Variants in AGBL1 observed in about 807,000 individuals in gnomAD.
AGBL1 encodes the protein cytosolic carboxypeptidase 4.
A neutral mutation model predicts 118.9 loss-of-function variants in AGBL1; 130 were observed. The ratio of observed to expected loss-of-function variants is 1.09; its 90% CI spans 0.95 to 1.26. The LOEUF (loss-of-function observed/expected upper bound fraction) is 1.26. AGBL1 is among the 50% of genes most tolerant of loss of function. The pLI, the probability that AGBL1 is intolerant of heterozygous loss-of-function variation, is 0.00. For synonymous variants in AGBL1, 555 were observed against 478.9 expected (o/e 1.16, Z -2.08); for missense variants, 1,584 against 1,298.1 (o/e 1.22, Z -3.38).
At chr15:86,131,440 C>T (rs1339619230) in intron 1 of AGBL1, among the ~76,000 whole-genome samples, 1 of 151,800 alleles carries the variant, frequency 6.6e-6, no homozygotes. Context: ...TTACAATGTC[C>T]TATTTTTTTT....
At chr15:86,964,053 GTGTT>G (rs1378292783) in intron 23 of AGBL1, among the ~76,000 whole-genome samples, 1 of 151,560 alleles carries the variant, frequency 6.6e-6, no homozygotes, top group Non-Finnish European at 1.5e-5. Flanking sequence ...GTGTGTGTGT[GTGTT>G]TGTGTGTGAC....
At position 86,749,684 on chromosome 15, in the gene AGBL1, A is replaced by T. The variant is rs906479840; in HGVS notation, c.3158+75248A>T. On this transcript the variant is annotated intron_variant, in intron 22 of 22. Transcript: ENST00000614907. ...GCTCTTATTATTTTGAGATACATCC[A>T]TCAATACCTAATTTATTGAGAGTTT... 3.6e-4 allele frequency among the ~76,000 whole-genome samples: 55 copies of T among 152,182 alleles called. 1 individual carries two copies. Among genetic ancestry groups the T allele is most frequent in the Non-Finnish European group, 7.3e-5 (5 of 68,030 alleles).
intron 5 of AGBL1, among the ~76,000 whole-genome samples, chr15:86,202,241 C>T (rs1396621682): frequency 6.6e-6 from 1 of 152,044 alleles, no homozygotes; most frequent in Non-Finnish European, 1.5e-5. Flanking sequence ...TGCAGTGAGC[C>T]AAGACTGTGC....
At chr15:86,335,284 A>G (rs575312269) in intron 17 of AGBL1, among the ~76,000 whole-genome samples, 1 of 152,134 alleles carries the variant, frequency 6.6e-6, no homozygotes, top group South Asian at 2.1e-4. Context: ...GACTACAGGC[A>G]TGTGCCACCA....
At chr15:86,874,889 C>T (rs1222185102) in intron 22 of AGBL1, among the ~76,000 whole-genome samples, 1 of 152,074 alleles carries the variant, frequency 6.6e-6, no homozygotes, top group Non-Finnish European at 1.5e-5. Flanking sequence ...AGCAGTCCAA[C>T]AGTTCAAAAA....
At chr15:86,867,879 C>T (rs960835387) in intron 22 of AGBL1, among the ~76,000 whole-genome samples, 3 of 151,990 alleles carry the variant, frequency 2.0e-5, no homozygotes, top group South Asian at 2.1e-4. Flanking sequence ...TATCCATGGC[C>T]GTCCAATATA....
intron 18 of AGBL1, among the ~76,000 whole-genome samples, chr15:86,430,211 T>A (rs557506804): frequency 6.6e-6 from 1 of 152,260 alleles, no homozygotes; most frequent in Non-Finnish European, 1.5e-5. Flanking sequence ...TAAAGATATA[T>A]CTCAGCCAGG....
At chr15:86,154,859 GT>G in intron 4 of AGBL1, among the ~76,000 whole-genome samples, 1 of 150,700 alleles carries the variant, frequency 6.6e-6, no homozygotes, top group Non-Finnish European at 1.5e-5. Flanking sequence ...GTACTACAAG[GT>G]AAAAAAAGGT....
intron 22 of AGBL1, among the ~76,000 whole-genome samples, chr15:86,763,315 C>A (rs758341701): frequency 6.6e-6 from 1 of 151,898 alleles, no homozygotes; most frequent in Non-Finnish European, 1.5e-5. Context: ...TGTGGGTTCT[C>A]AGGATGTATC....
intron 17 of AGBL1, among the ~76,000 whole-genome samples, chr15:86,358,018 A>G (rs1194538959): frequency 2.6e-5 from 4 of 152,114 alleles, no homozygotes; most frequent in East Asian, 1.9e-4. Context: ...ACATACTTAT[A>G]ATTTTTTTGT....
intron 20 of AGBL1, 98 bp downstream of exon 20, chr15:86,546,231 T>C (rs1273634216): frequency 1.4e-5 from 18 of 1,313,992 alleles, no homozygotes; most frequent in Admixed American, 2.9e-5. Flanking sequence ...GTTTTTTTTT[T>C]TTTTTGTAAA....
chr15:86,715,922 G>A (rs1027598897), intron 22 of AGBL1, among the ~76,000 whole-genome samples: 1 of 151,892 alleles, frequency 6.6e-6, no homozygotes, highest in Non-Finnish European at 1.5e-5. Flanking sequence ...AGTCAGGCGT[G>A]GTGGTGGGTG....
At chr15:86,709,447 A>T (rs993058249) in intron 22 of AGBL1, among the ~76,000 whole-genome samples, 1 of 152,186 alleles carries the variant, frequency 6.6e-6, no homozygotes, top group South Asian at 2.1e-4. Flanking sequence ...TAATCAATAC[A>T]TAGTTACTGA....
intron 21 of AGBL1, among the ~76,000 whole-genome samples, chr15:86,605,477 C>T (rs1023776680): frequency 6.6e-6 from 1 of 152,242 alleles, no homozygotes; most frequent in East Asian, 1.9e-4. Flanking sequence ...AGGCAGTAAG[C>T]ATTAACTTCT....
chr15:86,995,366 A>G (rs1408232537), intron 24 of AGBL1, among the ~76,000 whole-genome samples: 4 of 152,184 alleles, frequency 2.6e-5, no homozygotes, highest in Admixed American at 6.5e-5. Context: ...AGGGTGAGTG[A>G]CAGAGCGAGA....
At chr15:86,145,700 G>A (rs1012685688) in intron 3 of AGBL1, among the ~76,000 whole-genome samples, 64 of 152,266 alleles carry the variant, frequency 4.2e-4, no homozygotes, top group African/African-American at 1.4e-4. Context: ...AATACAATTC[G>A]TTTGGTGAAT....
rs149283127 is a variant in AGBL1 at position 86,503,742 on chromosome 15, A to C, written c.2556-19068A>C. On this transcript the variant is annotated intron_variant, in intron 18 of 22. Coordinates refer to ENST00000614907, the MANE Select transcript of AGBL1 (RefSeq NM_001386094.1). ...TTTCCATGTGCTTATAAATTTCCCA[A>C]ACTTCCCTCTGCTATTGGTATCTAA... Among the ~76,000 whole-genome samples, 881 of 151,438 alleles carry C rather than the reference A, an allele frequency of 5.8e-3. 12 individuals are homozygous for C. The highest frequency in any genetic ancestry group is 0.021 in the African/African-American group (854 of 41,434).
At chr15:86,964,535 G>A (rs756963123) in intron 23 of AGBL1, among the ~76,000 whole-genome samples, 57 of 152,004 alleles carry the variant, frequency 3.7e-4, no homozygotes, top group Non-Finnish European at 7.4e-4. Context: ...GCATGTTACA[G>A]TAAATCACCT....
At chr15:86,157,826 G>T (rs536434647) in intron 4 of AGBL1, among the ~76,000 whole-genome samples, 8 of 152,292 alleles carry the variant, frequency 5.3e-5, no homozygotes, top group African/African-American at 1.9e-4. Context: ...GGCCAATGAG[G>T]ATGTTCACAG....
Sources: allele counts gnomAD v4.1 joint callset (sites outside exome capture counted in the v4.1 genomes callset), GRCh38; gene constraint gnomAD v4.1.1; transcripts MANE v1.5; gene names NCBI Gene and HGNC (gene_info 2026-07-23, HGNC 2026-07-21).